Variants in AGAP1 observed in about 807,000 individuals in gnomAD.
The protein encoded by AGAP1 is arf-GAP with GTPase, ANK repeat and PH domain-containing protein 1.
AGAP1 carries 29 observed loss-of-function variants against 105.3 expected under a neutral mutation model. The observed-to-expected ratio is 0.28, with a 90% CI of 0.21 to 0.38. The LOEUF (loss-of-function observed/expected upper bound fraction) is 0.38, where lower values mean the gene tolerates loss of function less well. AGAP1 is among the 10% of genes least tolerant of loss of function. The pLI is 1.00. For synonymous variants in AGAP1, 509 were observed against 485.9 expected, an observed-to-expected ratio of 1.05 and a Z score of -0.63; for missense variants, 998 against 1,165.1, an observed-to-expected ratio of 0.86 and a Z score of 2.09.
rs1281937448 is a variant in AGAP1, at chr2:236,038,623, A to C, written c.1800+1908A>C. ...TGGTTGAACAGGTGTGAGGGCATAA[A>C]ACATGGAAATACTGTCCACAAGGAG... On this transcript the variant is annotated intron_variant, in intron 14 of 17. Transcript: ENST00000304032. This position sits in a 1 kb window ranked among gnomAD's most constrained non-coding sequence, Gnocchi z 4.5. Among the ~76,000 whole-genome samples, 1 of 152,232 alleles carries C rather than the reference A, an allele frequency of 6.6e-6. No homozygotes were observed. Among genetic ancestry groups the C allele is most frequent in the Non-Finnish European group, 1.5e-5 (1 of 68,042 alleles).
chr2:235,991,953 T>C (rs2055582327), intron 13 of AGAP1, among the ~76,000 whole-genome samples: 1 of 152,342 alleles, frequency 6.6e-6, no homozygotes, highest in African/African-American at 2.4e-5. Flanking sequence ...ACGCTTAGAA[T>C]CTTGCTGTCC....
intron 12 of AGAP1, among the ~76,000 whole-genome samples, chr2:235,933,030 A>G (rs2052800829): frequency 6.6e-6 from 1 of 150,520 alleles, no homozygotes; most frequent in Non-Finnish European, 1.5e-5. Flanking sequence ...TGAACCCTGA[A>G]CATAGAAGAT....
At chr2:235,540,353 T>G (rs1323562733) in intron 1 of AGAP1, among the ~76,000 whole-genome samples, 1 of 152,090 alleles carries the variant, frequency 6.6e-6, no homozygotes, top group Non-Finnish European at 1.5e-5. Flanking sequence ...GGTTTTGCCA[T>G]TGTTGACCAG....
chr2:235,792,067 C>T lies in AGAP1; in HGVS notation c.674-5692C>T, dbSNP rs1431724372. Among the ~76,000 whole-genome samples the T allele has an allele frequency of 6.6e-6, 1 of 152,082 alleles. No individual in the cohort carries two copies. The highest frequency in any genetic ancestry group is 1.9e-4 in the East Asian group (1 of 5,184). On this transcript the variant is annotated intron_variant, in intron 6 of 17. Coordinates refer to ENST00000304032, the MANE Select transcript of AGAP1 (RefSeq NM_001037131.3). The surrounding 1 kb of genome is among the most constrained non-coding windows in gnomAD (Gnocchi z 5.3). ...GGAGGTGTGGTTCGTACTTTATAAT[C>T]CCTACCTAACAGTGCTTACTCGGAA...
intron 1 of AGAP1, among the ~76,000 whole-genome samples, chr2:235,525,404 G>T (rs1039220877): frequency 6.6e-6 from 1 of 150,716 alleles, no homozygotes; most frequent in African/African-American, 2.4e-5. Context: ...GACACATAAT[G>T]TGGAGGACTG....
intron 5 of AGAP1, among the ~76,000 whole-genome samples, chr2:235,745,343 C>T (rs1020417050): frequency 3.3e-5 from 5 of 152,278 alleles, no homozygotes; most frequent in Non-Finnish European, 7.4e-5. Flanking sequence ...ATCTGACAGG[C>T]CCCTCAGACA....
At chr2:236,106,365 G>A (rs944775846) in intron 16 of AGAP1, among the ~76,000 whole-genome samples, 15 of 152,202 alleles carry the variant, frequency 9.9e-5, no homozygotes, top group South Asian at 2.1e-4. Context: ...CACCAGAGCC[G>A]GCCTAAGGAG....
rs1954380112 is a variant in AGAP1 at position 235,760,855 on chromosome 2, G to A, written c.673+10367G>A. On this transcript the variant is annotated intron_variant, in intron 6 of 17. Transcript: ENST00000304032. ...CTCCTGTCTCAGCCTTCCAAAGTGT[G>A]ATGGGATTATAGGCGTTAGCCACCA... 1.3e-5 allele frequency among the ~76,000 whole-genome samples: 2 copies of A among 152,190 alleles called. 1 individual carries two copies. The highest frequency in any genetic ancestry group is 4.1e-4 in the South Asian group (2 of 4,836).
chr2:236,021,302 C>G lies in AGAP1; in HGVS notation c.1646-15259C>G, dbSNP rs1364507513. On this transcript the variant is annotated intron_variant, in intron 13 of 17. Transcript: ENST00000304032. ...CCCCTCCTTTTGAAAGGATGACAGT[C>G]TTGGGTATCAATCACCTCAGCGCTG... is the stretch of plus-strand genomic sequence containing the variant. 2.6e-5 allele frequency among the ~76,000 whole-genome samples: 4 copies of G among 152,118 alleles called. No homozygotes were observed. The East Asian group carries it at 5.8e-4, about 22-fold the overall frequency.
intron 1 of AGAP1, among the ~76,000 whole-genome samples, chr2:235,547,497 T>A (rs1943665259): frequency 6.6e-6 from 1 of 152,026 alleles, no homozygotes; most frequent in Non-Finnish European, 1.5e-5. Flanking sequence ...TAGCTGGGAT[T>A]ACAGACATGC....
At chr2:235,500,547 C>T (rs1941518825) in intron 1 of AGAP1, among the ~76,000 whole-genome samples, 1 of 152,182 alleles carries the variant, frequency 6.6e-6, no homozygotes, top group South Asian at 2.1e-4. Flanking sequence ...TTGTAGCCAG[C>T]TGAGAAGGTT....
intron 9 of AGAP1, among the ~76,000 whole-genome samples, chr2:235,836,156 C>T (rs1960129434): frequency 6.6e-6 from 1 of 152,174 alleles, no homozygotes; most frequent in Non-Finnish European, 1.5e-5. Context: ...AGTGGAAAAG[C>T]AATCAAAAGA....
At chr2:235,764,465 AT>A (rs1402580733) in intron 6 of AGAP1, among the ~76,000 whole-genome samples, 1 of 152,132 alleles carries the variant, frequency 6.6e-6, no homozygotes, top group Non-Finnish European at 1.5e-5. Flanking sequence ...CCTAAAGCAC[AT>A]CCCCCCCACT....
At chr2:235,527,242 G>T (rs551009127) in intron 1 of AGAP1, among the ~76,000 whole-genome samples, 1 of 152,318 alleles carries the variant, frequency 6.6e-6, no homozygotes, top group East Asian at 1.9e-4. Context: ...CAGTGTGGAG[G>T]TGGGGCTGCT....
rs1320711372 is a variant in AGAP1, at chr2:235,905,317, T to A, written c.1156-3421T>A. Among the ~76,000 whole-genome samples the A allele has an allele frequency of 8.5e-5, 13 of 152,196 alleles. No individual in the cohort carries two copies. Among genetic ancestry groups the A allele is most frequent in the Non-Finnish European group, 5.9e-5 (4 of 68,034 alleles). On this transcript the variant is annotated intron_variant, in intron 10 of 17. Coordinates refer to ENST00000304032, the MANE Select transcript of AGAP1 (RefSeq NM_001037131.3). This position sits in a 1 kb window ranked among gnomAD's most constrained non-coding sequence, Gnocchi z 4.2. ...GAAGAAAGTTATAGCAAGTTGATATTTTTAAAGGAGTAACTGTGCAAGAAG... is the reference window on the plus strand; with the variant it reads ...GAAGAAAGTTATAGCAAGTTGATATATTTAAAGGAGTAACTGTGCAAGAAG...
At position 235,801,254 on chromosome 2, in the gene AGAP1, G is replaced by C. The variant is rs551747493; in HGVS notation, c.957+1732G>C. ...ATGTTTGACCTTAGGCAAATTACTT[G>C]ACCTCTCTGGGCTGGAAACCATAGT... On this transcript the variant is annotated intron_variant, in intron 8 of 17. Transcript: ENST00000304032. This position sits in a 1 kb window ranked among gnomAD's most constrained non-coding sequence, Gnocchi z 6.0. Among the ~76,000 whole-genome samples, 1 of 152,234 alleles carries C rather than the reference G, an allele frequency of 6.6e-6. No individual in the cohort carries two copies. The highest frequency in any genetic ancestry group is 2.4e-5 in the African/African-American group (1 of 41,536).
At chr2:236,041,966 C>T (rs1297461624) in intron 15 of AGAP1, among the ~76,000 whole-genome samples, 1 of 152,150 alleles carries the variant, frequency 6.6e-6, no homozygotes, top group Non-Finnish European at 1.5e-5. Context: ...AGGAGAGCTT[C>T]TCTGGGTGGT....
rs1309893050 is a variant in AGAP1 at position 236,124,208 on chromosome 2, C to T, written c.*86C>T. On this transcript the variant is annotated 3_prime_UTR_variant, in exon 18 of 18. Transcript: ENST00000304032. This position sits in a 1 kb window ranked among gnomAD's most constrained non-coding sequence, Gnocchi z 5.1. ...CTCAGAAGTCGCAGCACGTGAGTCC[C>T]GTCGCATCCCCTCCCTCTTCCTGGT... The T allele has an allele frequency of 1.6e-5, 22 of 1,407,776 alleles. No individual in the cohort carries two copies. Among genetic ancestry groups the T allele is most frequent in the African/African-American group, 7.1e-5 (5 of 70,346 alleles). 87.2% of individuals were successfully genotyped at this position (1,407,776 alleles called of 1,614,324 possible). A position where few individuals can be genotyped will look rare whatever the true frequency, so the allele number is the denominator to read the frequency against.
rs1323662047 is a variant in AGAP1, at chr2:235,599,378, A to C, written c.163+104529A>C. Among the ~76,000 whole-genome samples, 1 of 152,064 alleles carries C rather than the reference A, an allele frequency of 6.6e-6. No individual in the cohort carries two copies. The highest frequency in any genetic ancestry group is 1.5e-5 in the Non-Finnish European group (1 of 68,014). ...GGAGAAGGTGTGGCGGGCAGCAAGG[A>C]GGCTGGGGAAGTGGATGCTGCAGGG... On this transcript the variant is annotated intron_variant, in intron 1 of 17. Coordinates refer to ENST00000304032, the MANE Select transcript of AGAP1 (RefSeq NM_001037131.3). The surrounding 1 kb of genome is among the most constrained non-coding windows in gnomAD (Gnocchi z 5.3).
Sources: allele counts gnomAD v4.1 joint callset (sites outside exome capture counted in the v4.1 genomes callset), GRCh38; gene constraint gnomAD v4.1.1; non-coding constraint Gnocchi (gnomAD v3.1); transcripts MANE v1.5; gene names NCBI Gene and HGNC (gene_info 2026-07-23, HGNC 2026-07-21).